POLR3C: variants seen among roughly 807,000 people sequenced by gnomAD.
The protein encoded by POLR3C is DNA-directed RNA polymerase III subunit RPC3.
In POLR3C, 44 loss-of-function variants were observed where a neutral mutation model predicts 65.9. That is an observed-to-expected ratio of 0.67 (90% CI 0.52 to 0.86). The LOEUF is 0.86. Ranked by LOEUF, POLR3C falls within the 40% of genes least tolerant of loss-of-function variation. POLR3C has a pLI of 0.00. For synonymous variants in POLR3C, 263 were observed against 231.6 expected (o/e 1.14, Z -1.23); for missense variants, 576 against 653.2 (o/e 0.88, Z 1.29).
Position 145,836,880 on chromosome 1 carries a change from T to C in POLR3C, c.1009+14T>C. The C allele has an allele frequency of 6.7e-7, 1 of 1,494,036 alleles. No individual in the cohort carries two copies. Among genetic ancestry groups the C allele is most frequent in the Non-Finnish European group, 9.3e-7 (1 of 1,078,458 alleles). 92.5% of individuals were successfully genotyped at this position (1,494,036 alleles called of 1,614,324 possible). A position where few individuals can be genotyped will look rare whatever the true frequency, so the allele number is the denominator to read the frequency against. On this transcript the variant is annotated intron_variant, in intron 9 of 14. Transcript: ENST00000334163. ...TGTATGTCATCAGTATCCTTACCAG[T>C]TATTTCCTTAGAGTCAGGCAGCCTG...
In POLR3C at chr1:145,840,061, C is replaced by G. The variant is rs1230238609; in HGVS notation, c.1324-55C>G. On this transcript the variant is annotated intron_variant, in intron 12 of 14. Coordinates refer to ENST00000334163, the MANE Select transcript of POLR3C (RefSeq NM_006468.8). ...GTACCCCTCATGTGCCCACTTCGCC[C>G]TGAGCTGCTGAAATAGAACTATGTG... 2.6e-6 allele frequency: 4 copies of G among 1,522,868 alleles called. No homozygotes were observed. In the African/African-American group the frequency reaches 4.1e-5, roughly 16 times the overall value. 94.3% of individuals were successfully genotyped at this position (1,522,868 alleles called of 1,614,324 possible).
intron 5 of POLR3C, among the ~76,000 whole-genome samples, chr1:145,831,509 C>A (rs1159187683): frequency 1.6e-5 from 2 of 123,704 alleles, no homozygotes; most frequent in Non-Finnish European, 1.7e-5. Flanking sequence ...AGCAAAACTC[C>A]ATCTCAAAAA....
In POLR3C at chr1:145,825,782, T is replaced by G; in HGVS notation, c.6T>G (p.Thr2=). Reference sequence around the variant, plus strand: ...CTCTCAGACTCCCCAGTACAATGACTCAAGCAGAAATTAAGCTCTGTTCTT... The same window carrying G: ...CTCTCAGACTCCCCAGTACAATGACGCAAGCAGAAATTAAGCTCTGTTCTT... M[T]QAEIKLCSLL... Residue 2 remains threonine, a synonymous_variant, in exon 2 of 15, where the codon ACT becomes ACG. Coordinates refer to ENST00000334163, the MANE Select transcript of POLR3C (RefSeq NM_006468.8). The G allele has an allele frequency of 6.2e-7, 1 of 1,613,328 alleles. No individual in the cohort carries two copies. The highest frequency in any genetic ancestry group is 8.5e-7 in the Non-Finnish European group (1 of 1,179,260).
In POLR3C at chr1:145,828,838, G is replaced by A. The variant is rs782558836; in HGVS notation, c.678+1G>A. On this transcript the variant is annotated splice_donor_variant, in intron 5 of 14. Coordinates refer to ENST00000334163, the MANE Select transcript of POLR3C (RefSeq NM_006468.8). LOFTEE classifies it high-confidence loss of function. ...AAAATATACTACAGATAACAAGGAG[G>A]TAATGGGGCTTCTTGATTAGAAGTC... 70 of 1,521,396 alleles carry A rather than the reference G, an allele frequency of 4.6e-5. No individual in the cohort carries two copies. Among genetic ancestry groups the A allele is most frequent in the Admixed American group, 2.7e-4 (16 of 59,880 alleles). The allele number at this position is 1,521,396 out of a possible 1,614,324, so 94.2% of individuals were successfully genotyped here. A position where few individuals can be genotyped will look rare whatever the true frequency, so the allele number is the denominator to read the frequency against.
chr1:145,839,750 A>C, intron 11 of POLR3C, 140 bp from the exon 12 acceptor site: 1 of 609,774 alleles, frequency 1.6e-6, no homozygotes, highest in Non-Finnish European at 2.9e-6. Context: ...AAATAAAATA[A>C]ACACAGGTAC....
At chr1:145,830,807 AAAAG>A (rs1461794880) in intron 5 of POLR3C, among the ~76,000 whole-genome samples, 8 of 149,288 alleles carry the variant, frequency 5.4e-5, no homozygotes, top group South Asian at 2.1e-4. Flanking sequence ...TCAAAAAAAA[AAAAG>A]AAATTGGGTT....
intron 13 of POLR3C, 91 bp from the exon 14 acceptor site, chr1:145,840,830 TG>T: frequency 1.2e-6 from 1 of 823,252 alleles, no homozygotes; most frequent in Non-Finnish European, 2.0e-6. Context: ...ATCAGGAAAA[TG>T]GTAAAGGGTG....
Position 145,834,991 on chromosome 1 carries a change from A to T in POLR3C, c.876+1409A>T, listed in dbSNP as rs1040181713. Among the ~76,000 whole-genome samples, 8 of 151,560 alleles carry T rather than the reference A, an allele frequency of 5.3e-5. No homozygotes were observed. The East Asian group carries it at 5.8e-4, about 11-fold the overall frequency. On this transcript the variant is annotated intron_variant, in intron 7 of 14. Coordinates refer to ENST00000334163, the MANE Select transcript of POLR3C (RefSeq NM_006468.8). ...CCCCGTCTCTACAAAAAATTTTTTT[A>T]AAAAATTAGTTGGGTGTGGTGCCAT... is the stretch of plus-strand genomic sequence containing the variant.
intron 13 of POLR3C, chr1:145,840,518 C>T (rs587723361): frequency 2.4e-5 from 6 of 254,000 alleles, no homozygotes; most frequent in East Asian, 1.9e-4. Context: ...CCAGCCTGGG[C>T]GACAAAGTGA....
chr1:145,829,310 C>G (rs781153433), intron 5 of POLR3C, among the ~76,000 whole-genome samples: 1 of 152,178 alleles, frequency 6.6e-6, no homozygotes, highest in African/African-American at 2.4e-5. Flanking sequence ...GACACTACCA[C>G]GTAGGCCAGC....
chr1:145,837,686 C>A, intron 10 of POLR3C, 90 bp downstream of exon 10: 1 of 868,886 alleles, frequency 1.2e-6, no homozygotes, highest in Non-Finnish European at 2.0e-6. Context: ...AATATAACCA[C>A]ACCTTGGCAT....
In POLR3C at chr1:145,838,194, C is replaced by T. The variant is rs782691197; in HGVS notation, c.1209C>T (p.Phe403=). The T allele has an allele frequency of 1.9e-6, 3 of 1,613,558 alleles. No homozygotes were observed. In the East Asian group the frequency reaches 6.7e-5, roughly 36 times the overall value. The change falls in exon 11 of 15, where the codon TTC becomes TTT. Residue 403 remains phenylalanine (F), a synonymous_variant. Coordinates refer to ENST00000334163, the MANE Select transcript of POLR3C (RefSeq NM_006468.8). The part of the protein sequence containing the change: ...DMLYKMLSEN[F]MSLQEIPKTP... ...TATATAAGATGCTCTCAGAAAATTT[C>T]ATGTCACTCCAGGTAACCAACCAAG...
rs1233102245 is a variant in POLR3C at position 145,842,962 on chromosome 1, A to G, written c.*542A>G. 6.6e-6 allele frequency among the ~76,000 whole-genome samples: 1 copy of G among 151,906 alleles called. No individual in the cohort carries two copies. Among genetic ancestry groups the G allele is most frequent in the Non-Finnish European group, 1.5e-5 (1 of 67,972 alleles). The stretch of plus-strand genomic sequence containing the variant: ...GGAGTAGCTGGGACTACAGGCATGC[A>G]CCACACATACCCAGCTATTTTTTAT... On this transcript the variant is annotated 3_prime_UTR_variant, in exon 15 of 15. Transcript: ENST00000334163.
At chr1:145,836,241 C>T (rs868973542) in intron 7 of POLR3C, among the ~76,000 whole-genome samples, 3 of 152,242 alleles carry the variant, frequency 2.0e-5, no homozygotes, top group Middle Eastern at 3.4e-3. Context: ...CTGCCTCAGC[C>T]TCCCAAATAG....
chr1:145,842,114 C>T (rs1553730725), intron 14 of POLR3C, among the ~76,000 whole-genome samples: 1 of 152,146 alleles, frequency 6.6e-6, no homozygotes, highest in East Asian at 1.9e-4. Context: ...ACTACCTTCC[C>T]CCAGGACAGA....
In POLR3C at chr1:145,842,606, C is replaced by A; in HGVS notation, c.*186C>A. On this transcript the variant is annotated 3_prime_UTR_variant, in exon 15 of 15. Coordinates refer to ENST00000334163, the MANE Select transcript of POLR3C (RefSeq NM_006468.8). ...ATTTAGATCCATTGCTGTAGTCTCC[C>A]CTCATCAAATCTTGGCAGTGGGAAG... 1 of 609,488 alleles carries A rather than the reference C, an allele frequency of 1.6e-6. No individual in the cohort carries two copies. The highest frequency in any genetic ancestry group is 2.8e-5 in the East Asian group (1 of 35,420). 37.8% of individuals were successfully genotyped at this position (609,488 alleles called of 1,614,324 possible).
At chr1:145,839,069 G>A (rs909792284) in intron 11 of POLR3C, among the ~76,000 whole-genome samples, 5 of 151,974 alleles carry the variant, frequency 3.3e-5, no homozygotes, top group Non-Finnish European at 5.9e-5. Flanking sequence ...TCAGGAATTC[G>A]AGAATAGCCT....
intron 7 of POLR3C, among the ~76,000 whole-genome samples, chr1:145,835,144 CAAA>C (rs56819606): frequency 1.1e-3 from 52 of 47,308 alleles, no homozygotes; most frequent in African/African-American, 2.4e-3. Flanking sequence ...AACCCTATTT[CAAA>C]AAAAAAAAAA....
At chr1:145,841,244 C>G (rs980372988) in intron 14 of POLR3C, among the ~76,000 whole-genome samples, 173 bp downstream of exon 14, 2 of 152,202 alleles carry the variant, frequency 1.3e-5, no homozygotes, top group East Asian at 3.8e-4. Flanking sequence ...TGAAGATGTT[C>G]TGAGCTTCTT....
Sources: gnomAD v4.1 joint callset for allele counts (sites outside exome capture counted in the v4.1 genomes callset) on GRCh38, gnomAD v4.1.1 for gene constraint, MANE v1.5 for transcripts, NCBI Gene and HGNC (gene_info 2026-07-23, HGNC 2026-07-21) for gene names.